The following CD22 variants were observed in gnomAD, a reference collection of about 807,000 sequenced individuals.
CD22 encodes the protein CD22 molecule, also known as B-cell receptor CD22.
A neutral mutation model predicts 94.7 loss-of-function variants in CD22; 51 were observed. That is an observed-to-expected ratio of 0.54 (90% CI 0.43 to 0.68). The LOEUF is 0.68. Among genes scored for constraint, CD22 ranks in the 30% least tolerant of loss-of-function variants. The probability of loss-of-function intolerance (pLI) is 0.00; values close to 1 mark genes in which losing one functional copy is unlikely to be tolerated. For synonymous variants in CD22, 424 were observed against 422.5 expected (o/e 1.00, Z -0.04); for missense variants, 931 against 1,060.4 (o/e 0.88, Z 1.69).
chr19:35,341,535 G>A lies in CD22; in HGVS notation c.1700G>A (p.Gly567Glu), dbSNP rs753860332. ...GACTCCATCTCCCCAGAAGATGCTG[G>A]GAGTTACAGCTGCTGGGTGAACAAC... ...NFDSISPEDA[G>E]SYSCWVNNSI... The change falls in exon 8 of 14, where the codon GGG (glycine) becomes GAG (glutamate). Residue 567 changes from glycine (G) to glutamate (E), a missense_variant. Gly to Glu is a moderately conservative substitution (Grantham distance 98). Transcript: ENST00000085219. This position sits in a 1 kb window ranked among gnomAD's most constrained non-coding sequence, Gnocchi z 4.0. The A allele has an allele frequency of 2.4e-5, 38 of 1,614,010 alleles. No homozygotes were observed. The highest frequency in any genetic ancestry group is 3.1e-5 in the Non-Finnish European group (36 of 1,180,032).
At chr19:35,331,129 G>T (rs535538484) in intron 1 of CD22, 2 of 152,102 alleles carry the variant, frequency 1.3e-5, no homozygotes, top group African/African-American at 4.8e-5. Context: ...TGCCATGTTG[G>T]CCAGGCTGGT....
chr19:35,340,065 C>G (rs527277532), intron 6 of CD22, among the ~76,000 whole-genome samples: 1 of 152,224 alleles, frequency 6.6e-6, no homozygotes, highest in African/African-American at 2.4e-5. Context: ...CACATAAGCT[C>G]GATCCTTGGA....
chr19:35,339,610 CT>C (rs1241712348), intron 6 of CD22, among the ~76,000 whole-genome samples: 16 of 152,164 alleles, frequency 1.1e-4, no homozygotes, highest in African/African-American at 3.9e-4. Context: ...AATCCCAGCA[CT>C]TTGGGAGGCC....
chr19:35,338,421 G>A lies in CD22; in HGVS notation c.1239G>A (p.Leu413=). 2.5e-6 allele frequency: 4 copies of A among 1,612,796 alleles called. No individual in the cohort carries two copies. The highest frequency in any genetic ancestry group is 3.4e-6 in the Non-Finnish European group (4 of 1,179,038). The part of the protein sequence containing the change: ...GTGQRGPGAE[L]DVQYPPKKVT... ...GACAGAGGGGCCCGGGAGCTGAGCTGGATGTCCAGTGTGAGTAGCCACGGA... is the reference window on the plus strand; with the variant it reads ...GACAGAGGGGCCCGGGAGCTGAGCTAGATGTCCAGTGTGAGTAGCCACGGA... Residue 413 remains leucine, a synonymous_variant, in exon 6 of 14, where the codon CTG becomes CTA. Transcript: ENST00000085219.
intron 3 of CD22, among the ~76,000 whole-genome samples, chr19:35,333,894 A>G (rs2066681030): frequency 1.3e-5 from 2 of 152,180 alleles, no homozygotes; most frequent in Admixed American, 1.3e-4. Context: ...TAGATTTTCC[A>G]GTGAAATCTC....
Position 35,337,425 on chromosome 19 carries a change from G to A in CD22, c.719-330G>A, listed in dbSNP as rs1327024216. Among the ~76,000 whole-genome samples, 1 of 152,138 alleles carries A rather than the reference G, an allele frequency of 6.6e-6. No individual in the cohort carries two copies. Among genetic ancestry groups the A allele is most frequent in the Non-Finnish European group, 1.5e-5 (1 of 68,018 alleles). On this transcript the variant is annotated intron_variant, in intron 4 of 13. Coordinates refer to ENST00000085219, the MANE Select transcript of CD22 (RefSeq NM_001771.4). The surrounding 1 kb of genome is among the most constrained non-coding windows in gnomAD (Gnocchi z 4.4). ...ACCGCCTCTGAGGGCCACATGGTAGGACAGGAGGCAGGAGATGGAGCAGGA... is the reference window on the plus strand; with the variant it reads ...ACCGCCTCTGAGGGCCACATGGTAGAACAGGAGGCAGGAGATGGAGCAGGA...
rs1654053393 is a variant in CD22, at chr19:35,337,461, CG to C, written c.719-293del. Among the ~76,000 whole-genome samples, 1 of 152,006 alleles carries C rather than the reference CG, an allele frequency of 6.6e-6. No homozygotes were observed. The highest frequency in any genetic ancestry group is 2.1e-4 in the South Asian group (1 of 4,820). On this transcript the variant is annotated intron_variant, in intron 4 of 13. Transcript: ENST00000085219. This position sits in a 1 kb window ranked among gnomAD's most constrained non-coding sequence, Gnocchi z 4.4. The stretch of plus-strand genomic sequence containing the variant: ...GGAGATGGAGCAGGACTCTGGATCC[CG>C]AGGGCTGAGGTGAGGGTTTGGGATT...
intron 9 of CD22, among the ~76,000 whole-genome samples, chr19:35,344,253 A>G (rs917420896): frequency 6.6e-5 from 10 of 152,254 alleles, no homozygotes; most frequent in African/African-American, 2.4e-4. Context: ...GGCCAAAGGA[A>G]AACATCTGAA....
intron 6 of CD22, among the ~76,000 whole-genome samples, chr19:35,339,083 A>T (rs537941494): frequency 2.6e-5 from 4 of 152,150 alleles, no homozygotes; most frequent in African/African-American, 7.2e-5. Context: ...AAAAAATACA[A>T]AAATTAGCTG....
At position 35,341,046 on chromosome 19, in the gene CD22, T is replaced by A; in HGVS notation, c.1415T>A (p.Ile472Asn). The change falls in exon 7 of 14, where the codon ATC (isoleucine) becomes AAC (asparagine). Residue 472 changes from isoleucine (I) to asparagine (N), a missense_variant. By Grantham distance (149) the Ile-to-Asn change is moderately radical. Transcript: ENST00000085219. The surrounding 1 kb of genome is among the most constrained non-coding windows in gnomAD (Gnocchi z 4.0). ...WEEPSLGVLK[I>N]QNVGWDNTTI... ...GAGCCATCGCTTGGGGTGCTGAAGA[T>A]CCAAAACGTTGGCTGGGACAACACA... 6.2e-7 allele frequency: 1 copy of A among 1,614,158 alleles called. No individual in the cohort carries two copies. The highest frequency in any genetic ancestry group is 8.5e-7 in the Non-Finnish European group (1 of 1,180,014).
chr19:35,335,923 A>G, intron 3 of CD22, 113 bp from the exon 4 acceptor site: 1 of 791,746 alleles, frequency 1.3e-6, no homozygotes, highest in Non-Finnish European at 2.1e-6. Flanking sequence ...AGAGAGGTGG[A>G]ATGAAGTGGC....
At chr19:35,342,256 A>C (rs2066827234) in intron 9 of CD22, among the ~76,000 whole-genome samples, 1 of 151,036 alleles carries the variant, frequency 6.6e-6, no homozygotes, top group African/African-American at 2.4e-5. Context: ...TGCAGCCTCC[A>C]ATTCCTGGGC....
chr19:35,336,481 A>G, intron 4 of CD22, 140 bp downstream of exon 4: 2 of 709,576 alleles, frequency 2.8e-6, no homozygotes, highest in South Asian at 1.9e-5. Flanking sequence ...CCGCCTTGTC[A>G]GCCCTGGTGT....
At position 35,341,083 on chromosome 19, in the gene CD22, C is replaced by A. The variant is rs25677; in HGVS notation, c.1452C>A (p.Cys484Ter). The change falls in exon 7 of 14, where the codon TGC becomes TGA. Residue 484 changes from cysteine to a stop codon, truncating the protein, a stop_gained. Coordinates refer to ENST00000085219, the MANE Select transcript of CD22 (RefSeq NM_001771.4). LOFTEE classifies it high-confidence loss of function. This position sits in a 1 kb window ranked among gnomAD's most constrained non-coding sequence, Gnocchi z 4.0. ...GCTGGGACAACACAACCATCGCCTG[C>A]GCAGCTTGTAATAGTTGGTGCTCGT... ...NVGWDNTTIA[C>*]AACNSWCSWA... The A allele has an allele frequency of 6.2e-7, 1 of 1,614,120 alleles. No homozygotes were observed. Among genetic ancestry groups the A allele is most frequent in the Non-Finnish European group, 8.5e-7 (1 of 1,180,034 alleles).
chr19:35,332,056 C>T lies in CD22; in HGVS notation c.16C>T (p.Pro6Ser), dbSNP rs541631497. 6.2e-7 allele frequency: 1 copy of T among 1,613,986 alleles called. No homozygotes were observed. The change falls in exon 2 of 14, where the codon CCC becomes TCC. Residue 6 changes from proline to serine, a missense_variant. Pro to Ser is a moderately conservative substitution (Grantham distance 74). Transcript: ENST00000085219. MHLLG[P>S]WLLLLVLEYL... ...ACACGACACCATGCATCTCCTCGGC[C>T]CCTGGCTCCTGCTCCTGGGTAAGGA...
At position 35,337,976 on chromosome 19, in the gene CD22, G is replaced by A; in HGVS notation, c.940G>A (p.Asp314Asn). The change falls in exon 5 of 14, where the codon GAC (aspartate) becomes AAC (asparagine). Residue 314 changes from aspartate to asparagine, a missense_variant. Physicochemically the swap from Asp to Asn is conservative, Grantham distance 23. Transcript: ENST00000085219. This position sits in a 1 kb window ranked among gnomAD's most constrained non-coding sequence, Gnocchi z 4.4. ...SGKYCCQVSN[D>N]VGPGRSEEVF... is the part of the protein sequence containing the mutation. ...GAAGTACTGCTGTCAGGTCTCCAAT[G>A]ACGTGGGCCCGGGAAGGTCGGAAGA... is the stretch of plus-strand genomic sequence containing the variant. 3 of 1,614,082 alleles carry A rather than the reference G, an allele frequency of 1.9e-6. No homozygotes were observed. Among genetic ancestry groups the A allele is most frequent in the Non-Finnish European group, 2.5e-6 (3 of 1,179,930 alleles).
chr19:35,341,964 C>T lies in CD22; in HGVS notation c.2034C>T (p.Tyr678=), dbSNP rs1005775832. 12 of 1,609,562 alleles carry T rather than the reference C, an allele frequency of 7.5e-6. No individual in the cohort carries two copies. The highest frequency in any genetic ancestry group is 1.3e-5 in the African/African-American group (1 of 74,730). ...GRSPLSTLTV[Y]YSPETIGRRV... is the part of the protein sequence containing the mutation. ...CGCCTCTCAGCACCCTCACCGTCTA[C>T]TGTAAGGCCTCTTCCTGCTCTTGTT... The change falls in exon 9 of 14, where the codon TAC becomes TAT. Residue 678 remains tyrosine (Y), a splice_region_variant and synonymous_variant. Transcript: ENST00000085219. The surrounding 1 kb of genome is among the most constrained non-coding windows in gnomAD (Gnocchi z 4.0).
rs747904022 is a variant in CD22 at position 35,341,944 on chromosome 19, C to T, written c.2014C>T (p.Leu672Phe). 8.7e-6 allele frequency: 14 copies of T among 1,613,144 alleles called. No individual in the cohort carries two copies. Among genetic ancestry groups the T allele is most frequent in the Non-Finnish European group, 3.4e-6 (4 of 1,179,676 alleles). ...CAGTGTGGGCAAGGGCCGTTCGCCTCTCAGCACCCTCACCGTCTACTGTAA... is the reference window on the plus strand; with the variant it reads ...CAGTGTGGGCAAGGGCCGTTCGCCTTTCAGCACCCTCACCGTCTACTGTAA... ...TNSVGKGRSP[L>F]STLTVYYSPE... The change falls in exon 9 of 14, where the codon CTC becomes TTC. Residue 672 changes from leucine (L) to phenylalanine (F), a missense_variant. Transcript: ENST00000085219. This position sits in a 1 kb window ranked among gnomAD's most constrained non-coding sequence, Gnocchi z 4.0.
intron 11 of CD22, 176 bp from the exon 12 acceptor site, chr19:35,345,420 CAAAAAA>C (rs61349223): frequency 2.7e-3 from 428 of 156,312 alleles, no homozygotes; most frequent in South Asian, 4.1e-3. Context: ...GACTCTGCCT[CAAAAAA>C]AAAAAAAAAA....
Sources: gnomAD v4.1 joint callset for allele counts (sites outside exome capture counted in the v4.1 genomes callset) on GRCh38, gnomAD v4.1.1 for gene constraint, Gnocchi (gnomAD v3.1) non-coding constraint, MANE v1.5 for transcripts, NCBI Gene and HGNC (gene_info 2026-07-23, HGNC 2026-07-21) for gene names.